Variants in SNTG2 observed in about 807,000 individuals in gnomAD.
SNTG2 encodes the protein gamma-2-syntrophin.
Under a neutral mutation model 70.9 loss-of-function variants are expected in SNTG2, and 74 were observed. The ratio of observed to expected loss-of-function variants is 1.04; its 90% confidence interval spans 0.86 to 1.27. SNTG2 has a LOEUF of 1.27. SNTG2 is among the 50% of genes most tolerant of loss of function. The pLI is 0.00. For synonymous variants in SNTG2, 278 were observed against 273.8 expected, an observed-to-expected ratio of 1.02 and a Z score of -0.15; for missense variants, 717 against 690.7, an observed-to-expected ratio of 1.04 and a Z score of -0.43.
At chr2:1,243,201 C>G (rs1677160932) in intron 11 of SNTG2, among the ~76,000 whole-genome samples, 1 of 152,192 alleles carries the variant, frequency 6.6e-6, no homozygotes, top group African/African-American at 2.4e-5. Flanking sequence ...GCTCTTTATT[C>G]ACTCCTTAAT....
At chr2:1,224,093 C>G (rs1208440228) in intron 9 of SNTG2, among the ~76,000 whole-genome samples, 1 of 152,184 alleles carries the variant, frequency 6.6e-6, no homozygotes, top group East Asian at 1.9e-4. Context: ...GAGGGTCTCC[C>G]TGCGGCCTCT....
At chr2:1,139,850 A>T (rs1216512366) in intron 6 of SNTG2, among the ~76,000 whole-genome samples, 1 of 135,560 alleles carries the variant, frequency 7.4e-6, no homozygotes, top group East Asian at 2.4e-4. Context: ...AAAAAAAAAA[A>T]ATCCTAGTAA....
At chr2:1,221,124 C>G (rs1383100270) in intron 9 of SNTG2, among the ~76,000 whole-genome samples, 1 of 152,248 alleles carries the variant, frequency 6.6e-6, no homozygotes, top group Non-Finnish European at 1.5e-5. Context: ...ATTCTCCCAA[C>G]TCACTTCTCT....
chr2:965,125 CT>C (rs746680989), intron 1 of SNTG2, among the ~76,000 whole-genome samples: 28 of 149,552 alleles, frequency 1.9e-4, no homozygotes, highest in East Asian at 4.1e-4. Flanking sequence ...AGTCCTCCTC[CT>C]TGGACCCCAA....
At chr2:1,207,506 C>A (rs945242735) in intron 8 of SNTG2, among the ~76,000 whole-genome samples, 6 of 152,230 alleles carry the variant, frequency 3.9e-5, no homozygotes, top group African/African-American at 1.4e-4. Context: ...TCCATTCCCC[C>A]ATCCCACCTG....
intron 6 of SNTG2, among the ~76,000 whole-genome samples, chr2:1,155,337 GCACACCACA>G (rs1002510812): frequency 5.1e-4 from 75 of 147,040 alleles, no homozygotes; most frequent in African/African-American, 1.7e-3. Flanking sequence ...ATACACATAT[GCACACCACA>G]CACACCACAC....
chr2:1,086,734 C>G lies in SNTG2; in HGVS notation c.210+3079C>G, dbSNP rs1572397119. ...AATTCAGGTTAAAAATGATCTGATTCACAATATAAAGTACTTGGATTTATT... is the reference window on the plus strand; with the variant it reads ...AATTCAGGTTAAAAATGATCTGATTGACAATATAAAGTACTTGGATTTATT... On this transcript the variant is annotated intron_variant, in intron 2 of 16. Coordinates refer to ENST00000308624, the MANE Select transcript of SNTG2 (RefSeq NM_018968.4). 2.0e-5 allele frequency among the ~76,000 whole-genome samples: 3 copies of G among 151,992 alleles called. No homozygotes were observed. In the South Asian group the frequency reaches 6.2e-4, roughly 32 times the overall value.
intron 1 of SNTG2, among the ~76,000 whole-genome samples, chr2:1,054,108 G>A (rs904582733): frequency 2.0e-5 from 3 of 152,186 alleles, no homozygotes; most frequent in African/African-American, 7.2e-5. Flanking sequence ...GCACATGTCT[G>A]CTGGGGCACT....
intron 9 of SNTG2, among the ~76,000 whole-genome samples, chr2:1,223,934 A>G (rs6727828): frequency 0.84 from 127,623 of 151,174 alleles, 53,866 homozygotes; most frequent in East Asian, 0.9. Flanking sequence ...CCGTAGCCCA[A>G]TTCCACAGAT....
intron 2 of SNTG2, among the ~76,000 whole-genome samples, chr2:1,086,233 T>C (rs895370139): frequency 6.6e-6 from 1 of 152,116 alleles, no homozygotes; most frequent in African/African-American, 2.4e-5. Flanking sequence ...TCACGGAAAC[T>C]GGTGTGAGGT....
chr2:1,203,659 C>CAAAA lies in SNTG2; in HGVS notation c.592-5441_592-5440insAAAA, dbSNP rs202037307. On this transcript the variant is annotated intron_variant, in intron 8 of 16. Transcript: ENST00000308624. Reference sequence around the variant, plus strand: ...ACAGAGTGAGACCTTGTCTCAAAAACAAACAAAAAAAAAAATATATATATA... The same window carrying CAAAA: ...ACAGAGTGAGACCTTGTCTCAAAAACAAAAAAACAAAAAAAAAAATATATATATA... Among the ~76,000 whole-genome samples the CAAAA allele has an allele frequency of 9.7e-5, 8 of 82,294 alleles. No homozygotes were observed. In the Admixed American group the frequency reaches 1.1e-3, roughly 11 times the overall value. The allele number at this position is 82,294 out of a possible 152,430, so 54.0% of individuals were successfully genotyped here. A position where few individuals can be genotyped will look rare whatever the true frequency, so the allele number is the denominator to read the frequency against.
chr2:979,543 T>A (rs1372425051), intron 1 of SNTG2, among the ~76,000 whole-genome samples: 4 of 152,132 alleles, frequency 2.6e-5, no homozygotes, highest in Middle Eastern at 3.2e-3. Context: ...TGACCTGTCC[T>A]TTTGGCCTTT....
intron 2 of SNTG2, among the ~76,000 whole-genome samples, chr2:1,090,394 G>T (rs1664944944): frequency 6.6e-6 from 1 of 152,210 alleles, no homozygotes; most frequent in Admixed American, 6.5e-5. Context: ...CTTGTTACCA[G>T]CTGTGAATCC....
chr2:1,139,208 GTTTT>G (rs144344159), intron 6 of SNTG2, among the ~76,000 whole-genome samples: 1,910 of 152,138 alleles, frequency 0.013, 52 homozygotes, highest in African/African-American at 0.044. Flanking sequence ...GTGAGCAACA[GTTTT>G]TTTGTTTGTT....
chr2:1,328,924 C>T (rs1278106888), intron 16 of SNTG2, among the ~76,000 whole-genome samples: 3 of 151,676 alleles, frequency 2.0e-5, no homozygotes, highest in African/African-American at 4.8e-5. Flanking sequence ...CACATACACA[C>T]GCACAGATTC....
In SNTG2 at chr2:1,243,896, C is replaced by T. The variant is rs181930702; in HGVS notation, c.889-3431C>T. On this transcript the variant is annotated intron_variant, in intron 11 of 16. Coordinates refer to ENST00000308624, the MANE Select transcript of SNTG2 (RefSeq NM_018968.4). ...CAAAAATTAGCCGGGCGTGGTGGCA[C>T]GCGCCTGTAATCCCAGCTACCTGGG... Among the ~76,000 whole-genome samples, 465 of 152,250 alleles carry T rather than the reference C, an allele frequency of 3.1e-3. 2 individuals are homozygous for T. The highest frequency in any genetic ancestry group is 4.9e-3 in the Non-Finnish European group (333 of 68,008).
chr2:1,231,046 G>A (rs58138360), intron 9 of SNTG2, among the ~76,000 whole-genome samples: 2 of 148,928 alleles, frequency 1.3e-5, no homozygotes, highest in African/African-American at 5.1e-5. Context: ...CTTCCATAGG[G>A]TCACTGCGAG....
intron 4 of SNTG2, among the ~76,000 whole-genome samples, chr2:1,116,595 T>C (rs111911102): frequency 0.011 from 1,636 of 144,298 alleles, 32 homozygotes; most frequent in African/African-American, 0.038. Flanking sequence ...GGTGCCCCGG[T>C]GTTCGGGTGC....
intron 9 of SNTG2, among the ~76,000 whole-genome samples, chr2:1,228,360 G>A (rs1470490537): frequency 1.3e-5 from 2 of 152,210 alleles, no homozygotes; most frequent in Admixed American, 1.3e-4. Flanking sequence ...GTGGTTCCCT[G>A]CTGGGGGGAG....
Sources: allele counts gnomAD v4.1 joint callset (sites outside exome capture counted in the v4.1 genomes callset), GRCh38; gene constraint gnomAD v4.1.1; transcripts MANE v1.5; gene names NCBI Gene and HGNC (gene_info 2026-07-23, HGNC 2026-07-21).